TMED5: variants seen among roughly 807,000 people sequenced by gnomAD.
TMED5 encodes the protein transmembrane p24 trafficking protein 5, also known as transmembrane emp24 domain-containing protein 5.
TMED5 carries 27 observed loss-of-function variants against 23.0 expected under a neutral mutation model. The observed-to-expected ratio is 1.17, with a 90% confidence interval of 0.86 to 1.62. TMED5 has a LOEUF of 1.62. Ranked by LOEUF, TMED5 falls within the 40% of genes most tolerant of loss-of-function variation. The pLI is 0.00. For missense variants in TMED5, 248 were observed against 273.7 expected, an observed-to-expected ratio of 0.91 and a Z score of 0.66; for synonymous variants, 97 against 100.8, an observed-to-expected ratio of 0.96 and a Z score of 0.23.
intron 1 of TMED5, among the ~76,000 whole-genome samples, chr1:93,169,015 C>T (rs1648604657): frequency 6.6e-6 from 1 of 152,168 alleles, no homozygotes; most frequent in Admixed American, 6.5e-5. Context: ...CTGCGACATC[C>T]CTCTATCAGT....
At chr1:93,160,838 T>TCCCCTGCCC (rs1359653487) in intron 1 of TMED5, 1 of 52,598 alleles carries the variant, frequency 1.9e-5, no homozygotes, top group African/African-American at 6.8e-5. Context: ...CCCCCCTGCC[T>TCCCCTGCCC]CCCCTGCCCC....
chr1:93,173,078 A>G (rs1031384029), intron 1 of TMED5, among the ~76,000 whole-genome samples: 9 of 152,126 alleles, frequency 5.9e-5, no homozygotes, highest in African/African-American at 2.2e-4. Context: ...GGGAATAGGG[A>G]GCTGTTGATC....
intron 1 of TMED5, among the ~76,000 whole-genome samples, chr1:93,170,255 G>A (rs375769421): frequency 7.5e-4 from 115 of 152,332 alleles, no homozygotes; most frequent in Middle Eastern, 3.4e-3. Flanking sequence ...TCAGCTTGCC[G>A]GGAGGTGTGG....
rs986011988 is a variant in TMED5 at position 93,156,619 on chromosome 1, G to C, written c.288-136C>G. On this transcript the variant is annotated intron_variant, in intron 2 of 3. Transcript: ENST00000370282. ...TAATCCCAGCATTTTGAGAGGGCAAGGCTGGTAGATCACTTTAGCTCAGGA... is the reference window on the plus strand; with the variant it reads ...TAATCCCAGCATTTTGAGAGGGCAACGCTGGTAGATCACTTTAGCTCAGGA... 41 of 663,456 alleles carry C rather than the reference G, an allele frequency of 6.2e-5. No homozygotes were observed. In the African/African-American group the frequency reaches 7.2e-4, roughly 12 times the overall value. 41.1% of individuals were successfully genotyped at this position (663,456 alleles called of 1,614,324 possible).
rs1571268879 is a variant in TMED5 at position 93,154,954 on chromosome 1, G to T, written c.472-66C>A. The T allele has an allele frequency of 2.5e-6, 3 of 1,202,116 alleles. No individual in the cohort carries two copies. In the East Asian group the frequency reaches 7.6e-5, roughly 30 times the overall value. The allele number at this position is 1,202,116 out of a possible 1,614,324, so 74.5% of individuals were successfully genotyped here. ...AGAAATTTTAACTTAATTAAAAAAT[G>T]AGGCTGGGTGCAGTGACTCATGCCT... On this transcript the variant is annotated intron_variant, in intron 3 of 3. Coordinates refer to ENST00000370282, the MANE Select transcript of TMED5 (RefSeq NM_016040.5).
Position 93,176,030 on chromosome 1 carries a change from C to T in TMED5, c.189+4024G>A, listed in dbSNP as rs542931130. ...GAGGCTCAATACCTTGTGGCCAAAACGATCTTTTAAAAAACACAGATCGAG... is the reference window on the plus strand; with the variant it reads ...GAGGCTCAATACCTTGTGGCCAAAATGATCTTTTAAAAAACACAGATCGAG... On this transcript the variant is annotated intron_variant, in intron 1 of 3. Transcript: ENST00000370282. Among the ~76,000 whole-genome samples the T allele has an allele frequency of 6.6e-4, 100 of 152,244 alleles. 1 individual carries two copies. The highest frequency in any genetic ancestry group is 1.8e-3 in the African/African-American group (76 of 41,534).
chr1:93,171,087 TCA>T (rs1309554741), intron 1 of TMED5, among the ~76,000 whole-genome samples: 1 of 152,126 alleles, frequency 6.6e-6, no homozygotes, highest in Admixed American at 6.6e-5. Context: ...CTCTTTGGGT[TCA>T]CACTGCCTTT....
chr1:93,156,748 C>T (rs1344276004), intron 2 of TMED5, among the ~76,000 whole-genome samples: 7 of 139,102 alleles, frequency 5.0e-5, no homozygotes, highest in Non-Finnish European at 9.1e-5. Flanking sequence ...GTTGAAGATG[C>T]AGTGAGGCAT....
At chr1:93,179,905 G>C in intron 1 of TMED5, 149 bp downstream of exon 1, 1 of 801,854 alleles carries the variant, frequency 1.2e-6, no homozygotes, top group Non-Finnish European at 1.9e-6. Flanking sequence ...GCCTCGCCTC[G>C]CGCGCCTGCG....
intron 1 of TMED5, among the ~76,000 whole-genome samples, chr1:93,173,955 G>GT (rs200366993): frequency 9.0e-4 from 135 of 150,350 alleles, no homozygotes; most frequent in African/African-American, 1.9e-3. Flanking sequence ...TTACAAAGAG[G>GT]TTTTTTTTTG....
At chr1:93,163,549 C>T (rs1412262794) in intron 1 of TMED5, among the ~76,000 whole-genome samples, 2 of 151,706 alleles carry the variant, frequency 1.3e-5, no homozygotes, top group Non-Finnish European at 2.9e-5. Context: ...ACCATGTTGG[C>T]CAAGCTGGTC....
At position 93,156,332 on chromosome 1, in the gene TMED5, C is replaced by T. The variant is rs1648072841; in HGVS notation, c.439G>A (p.Asp147Asn). Residue 147 changes from aspartate to asparagine, a missense_variant, in exon 3 of 4, where the codon GAT becomes AAT. By Grantham distance (23) the Asp-to-Asn change is conservative. Transcript: ENST00000370282. ...TCTTCCAGTTTCATATCCAATATATCTGTGCCAGTAATATATTTCTTCCAA... is the reference window on the plus strand; with the variant it reads ...TCTTCCAGTTTCATATCCAATATATTTGTGCCAGTAATATATTTCTTCCAA... ...EDWKKYITGT[D>N]ILDMKLEDIL... 3 of 1,613,568 alleles carry T rather than the reference C, an allele frequency of 1.9e-6. No homozygotes were observed. Among genetic ancestry groups the T allele is most frequent in the African/African-American group, 1.3e-5 (1 of 74,894 alleles).
intron 1 of TMED5, among the ~76,000 whole-genome samples, chr1:93,173,409 G>A (rs1648796085): frequency 6.6e-6 from 1 of 152,200 alleles, no homozygotes; most frequent in African/African-American, 2.4e-5. Context: ...TAAAATAGGA[G>A]AGTGAGACAA....
intron 1 of TMED5, 111 bp downstream of exon 1, chr1:93,179,943 C>G: frequency 8.0e-7 from 1 of 1,242,270 alleles, no homozygotes. Flanking sequence ...CTGAACGGCC[C>G]TCGCCTCTTC....
intron 2 of TMED5, among the ~76,000 whole-genome samples, chr1:93,159,070 T>C (rs1648178113): frequency 6.6e-6 from 1 of 152,184 alleles, no homozygotes; most frequent in South Asian, 2.1e-4. Context: ...ATTTTTTTCC[T>C]CTCATCCATT....
chr1:93,176,867 G>C (rs972820270), intron 1 of TMED5, among the ~76,000 whole-genome samples: 1 of 152,146 alleles, frequency 6.6e-6, no homozygotes, highest in African/African-American at 2.4e-5. Context: ...TAGCAACTTG[G>C]ATAGTGCTGA....
At chr1:93,173,515 T>C (rs775768397) in intron 1 of TMED5, among the ~76,000 whole-genome samples, 3 of 151,994 alleles carry the variant, frequency 2.0e-5, no homozygotes, top group African/African-American at 4.8e-5. Flanking sequence ...CAAGAGAAAA[T>C]AGAGATGAAC....
intron 1 of TMED5, among the ~76,000 whole-genome samples, chr1:93,172,425 G>C (rs1185421446): frequency 6.6e-6 from 1 of 152,004 alleles, no homozygotes; most frequent in Non-Finnish European, 1.5e-5. Context: ...AGCAACTGGA[G>C]TTGGGAATAA....
intron 1 of TMED5, chr1:93,163,255 G>C (rs1648350319): frequency 6.6e-6 from 1 of 151,748 alleles, no homozygotes; most frequent in Non-Finnish European, 1.5e-5. Flanking sequence ...AAGTTAAAAA[G>C]CAGTTATTGG....
Sources: gnomAD v4.1 joint callset for allele counts (sites outside exome capture counted in the v4.1 genomes callset) on GRCh38, gnomAD v4.1.1 for gene constraint, MANE v1.5 for transcripts, NCBI Gene and HGNC (gene_info 2026-07-23, HGNC 2026-07-21) for gene names.